VWA8: variants seen among roughly 807,000 people sequenced by gnomAD.
VWA8 encodes the protein von Willebrand factor A domain-containing protein 8.
Under a neutral mutation model 241.5 loss-of-function variants are expected in VWA8, and 221 were observed. The ratio of observed to expected loss-of-function variants is 0.91; its 90% confidence interval spans 0.82 to 1.02. The LOEUF is 1.02. Among genes scored for constraint, VWA8 ranks in the 50% least tolerant of loss-of-function variants. The pLI is 0.00. For synonymous variants in VWA8, 852 were observed against 827.1 expected, an observed-to-expected ratio of 1.03 and a Z score of -0.52; for missense variants, 2,322 against 2,328.7, an observed-to-expected ratio of 1.00 and a Z score of 0.06.
intron 17 of VWA8, among the ~76,000 whole-genome samples, chr13:41,804,063 G>T (rs1870078138): frequency 6.6e-6 from 1 of 152,098 alleles, no homozygotes; most frequent in African/African-American, 2.4e-5. Flanking sequence ...CCTAAAAAGG[G>T]CAAATCTAAT....
At chr13:41,599,094 C>T (rs1223183213) in intron 40 of VWA8, among the ~76,000 whole-genome samples, 8 of 152,078 alleles carry the variant, frequency 5.3e-5, no homozygotes, top group South Asian at 4.1e-4. Context: ...TTTGTTGGGA[C>T]GACTCAGGGC....
intron 43 of VWA8, among the ~76,000 whole-genome samples, chr13:41,574,143 A>C (rs1364677727): frequency 6.6e-6 from 1 of 151,230 alleles, no homozygotes; most frequent in African/African-American, 2.4e-5. Flanking sequence ...TAAAAACAAA[A>C]CAAAAATCAA....
rs376369729 is a variant in VWA8, at chr13:41,613,296, T to C, written c.4721-1564A>G. 1.6e-4 allele frequency among the ~76,000 whole-genome samples: 25 copies of C among 152,312 alleles called. 1 individual carries two copies. Among genetic ancestry groups the C allele is most frequent in the African/African-American group, 5.5e-4 (23 of 41,574 alleles). The stretch of plus-strand genomic sequence containing the variant: ...ATCTTTTGATTGGAACATATTTCAC[T>C]TTTATTTAGAAATGGGTGGTGGAAA... On this transcript the variant is annotated intron_variant, in intron 38 of 44. Transcript: ENST00000379310.
chr13:41,916,545 T>A lies in VWA8; in HGVS notation c.242-4377A>T, dbSNP rs186537772. ...TTATTTTGTAATGAATATTATGTTA[T>A]CAGAGGATCTACTTCTCAAAGAAAA... On this transcript the variant is annotated intron_variant, in intron 2 of 44. Transcript: ENST00000379310. 1.7e-3 allele frequency among the ~76,000 whole-genome samples: 257 copies of A among 152,374 alleles called. 2 individuals are homozygous for A. Among genetic ancestry groups the A allele is most frequent in the African/African-American group, 5.7e-3 (236 of 41,596 alleles).
intron 27 of VWA8, 124 bp from the exon 28 acceptor site, chr13:41,701,654 CAATTTAT>C: frequency 1.1e-6 from 1 of 906,714 alleles, no homozygotes; most frequent in Non-Finnish European, 1.5e-6. Context: ...TACCTTTTTT[CAATTTAT>C]TGACAGGCTT....
chr13:41,697,136 C>T (rs2045220281), intron 29 of VWA8, among the ~76,000 whole-genome samples: 1 of 152,216 alleles, frequency 6.6e-6, no homozygotes, highest in African/African-American at 2.4e-5. Flanking sequence ...TGCTCAGTCC[C>T]TAAATTTTAC....
At chr13:41,821,827 A>G (rs1450510101) in intron 14 of VWA8, among the ~76,000 whole-genome samples, 1 of 152,144 alleles carries the variant, frequency 6.6e-6, no homozygotes, top group Non-Finnish European at 1.5e-5. Flanking sequence ...TCTCACCAGT[A>G]AAAAGGAACA....
At chr13:41,956,647 A>G (rs1446087687) in intron 1 of VWA8, among the ~76,000 whole-genome samples, 1 of 152,190 alleles carries the variant, frequency 6.6e-6, no homozygotes, top group African/African-American at 2.4e-5. Flanking sequence ...CCACAGTTCT[A>G]TATTTCCCCT....
At chr13:41,710,415 G>A (rs576040040) in intron 26 of VWA8, among the ~76,000 whole-genome samples, 38 of 152,266 alleles carry the variant, frequency 2.5e-4, no homozygotes, top group African/African-American at 8.9e-4. Flanking sequence ...ATGTAGATTC[G>A]TTTTGTATCC....
chr13:41,583,140 T>G (rs1024220588), intron 42 of VWA8, among the ~76,000 whole-genome samples: 3 of 152,102 alleles, frequency 2.0e-5, no homozygotes, highest in African/African-American at 7.2e-5. Flanking sequence ...CCATCTTACC[T>G]CCTTCCTGCC....
rs1197210143 is a variant in VWA8 at position 41,758,394 on chromosome 13, G to A, written c.2426+2734C>T. ...CATATATATATATATATATATATAC[G>A]CTAGTATATATATATATATATATAT... On this transcript the variant is annotated intron_variant, in intron 21 of 44. Transcript: ENST00000379310. Among the ~76,000 whole-genome samples the A allele has an allele frequency of 2.7e-3, 13 of 4,752 alleles. 1 individual carries two copies. Among genetic ancestry groups the A allele is most frequent in the African/African-American group, 5.1e-3 (11 of 2,144 alleles). 3.1% of individuals were successfully genotyped at this position (4,752 alleles called of 152,430 possible). A position where few individuals can be genotyped will look rare whatever the true frequency, so the allele number is the denominator to read the frequency against.
chr13:41,793,082 A>C (rs1448823588), intron 17 of VWA8, among the ~76,000 whole-genome samples: 1 of 152,154 alleles, frequency 6.6e-6, no homozygotes, highest in Non-Finnish European at 1.5e-5. Context: ...TTGCCTTAAG[A>C]ATATTTGCTG....
rs149880891 is a variant in VWA8 at position 41,856,978 on chromosome 13, G to A, written c.1425+8758C>T. 1.7e-3 allele frequency among the ~76,000 whole-genome samples: 264 copies of A among 152,070 alleles called. 2 individuals are homozygous for A. The highest frequency in any genetic ancestry group is 5.9e-3 in the African/African-American group (243 of 41,492). ...TAATAGACAGGTGTTTTACTTAAGT[G>A]ATTAGCTACAATCTGCAAAACTGCT... is the stretch of plus-strand genomic sequence containing the variant. On this transcript the variant is annotated intron_variant, in intron 12 of 44. Coordinates refer to ENST00000379310, the MANE Select transcript of VWA8 (RefSeq NM_015058.2).
chr13:41,648,915 G>A (rs1180594734), intron 37 of VWA8, among the ~76,000 whole-genome samples: 1 of 152,210 alleles, frequency 6.6e-6, no homozygotes, highest in Non-Finnish European at 1.5e-5. Context: ...TGAGTACGGT[G>A]GCTCATGCCT....
chr13:41,818,752 C>T (rs1381084262), intron 15 of VWA8, among the ~76,000 whole-genome samples: 1 of 152,018 alleles, frequency 6.6e-6, no homozygotes, highest in Non-Finnish European at 1.5e-5. Context: ...TCTTGAGAGA[C>T]CAGGACTACT....
chr13:41,626,303 T>C (rs1299049892), intron 37 of VWA8, among the ~76,000 whole-genome samples: 1 of 152,134 alleles, frequency 6.6e-6, no homozygotes, highest in Non-Finnish European at 1.5e-5. Context: ...TCCATGCTAA[T>C]GGATAGGAAG....
At chr13:41,926,871 G>C in intron 2 of VWA8, 1 of 577,518 alleles carries the variant, frequency 1.7e-6, no homozygotes, top group South Asian at 1.4e-5. Context: ...TGTGGCAAAA[G>C]CTGTTGAATG....
chr13:41,649,558 G>C (rs567234164), intron 37 of VWA8, among the ~76,000 whole-genome samples: 16 of 150,552 alleles, frequency 1.1e-4, no homozygotes, highest in Non-Finnish European at 2.2e-4. Context: ...ATTTTGATTA[G>C]AGTAGATTTT....
chr13:41,807,742 G>A (rs977475669), intron 17 of VWA8: 7 of 152,330 alleles, frequency 4.6e-5, no homozygotes, highest in African/African-American at 1.4e-4. Context: ...AGAATGGCTC[G>A]AGCCCAGGCG....
Sources: allele counts gnomAD v4.1 joint callset (sites outside exome capture counted in the v4.1 genomes callset), GRCh38; gene constraint gnomAD v4.1.1; transcripts MANE v1.5; gene names NCBI Gene and HGNC (gene_info 2026-07-23, HGNC 2026-07-21).